The following KIF27 variants were observed in gnomAD, a reference collection of about 807,000 sequenced individuals.
KIF27 encodes the protein kinesin family member 27, also known as kinesin-like protein KIF27.
A neutral mutation model predicts 141.8 loss-of-function variants in KIF27; 84 were observed. The ratio of observed to expected loss-of-function variants is 0.59; its 90% confidence interval spans 0.50 to 0.71. KIF27 has a LOEUF of 0.71. KIF27 is among the 30% of genes least tolerant of loss of function. KIF27 has a pLI of 0.00. For synonymous variants in KIF27, 471 were observed against 569.5 expected, an observed-to-expected ratio of 0.83 and a Z score of 2.46; for missense variants, 1,306 against 1,628.4, an observed-to-expected ratio of 0.80 and a Z score of 3.41.
intron 9 of KIF27, among the ~76,000 whole-genome samples, chr9:83,884,934 T>A (rs1264165863): frequency 1.2e-4 from 19 of 152,184 alleles, no homozygotes; most frequent in Non-Finnish European, 1.0e-4. Flanking sequence ...ATAAAGATAT[T>A]TCTATATCTC....
At chr9:83,864,671 C>T (rs1950210701) in intron 13 of KIF27, among the ~76,000 whole-genome samples, 1 of 152,150 alleles carries the variant, frequency 6.6e-6, no homozygotes, top group African/African-American at 2.4e-5. Flanking sequence ...GTGGAAAGTT[C>T]TGTAGATGTC....
intron 13 of KIF27, among the ~76,000 whole-genome samples, chr9:83,866,389 G>A (rs529833167): frequency 6.6e-6 from 1 of 152,178 alleles, no homozygotes; most frequent in Non-Finnish European, 1.5e-5. Flanking sequence ...TGTCTCTCTA[G>A]GTACTTGGAA....
At chr9:83,867,024 G>A (rs1950421558) in intron 13 of KIF27, among the ~76,000 whole-genome samples, 1 of 134,290 alleles carries the variant, frequency 7.4e-6, no homozygotes, top group South Asian at 2.3e-4. Flanking sequence ...ACCAACCCTA[G>A]GTAACCACTA....
intron 11 of KIF27, among the ~76,000 whole-genome samples, chr9:83,876,987 G>A (rs1951251242): frequency 1.3e-5 from 2 of 152,112 alleles, no homozygotes; most frequent in Admixed American, 6.6e-5. Context: ...TAAGGCAGGT[G>A]GATCACTTGA....
chr9:83,891,648 G>A lies in KIF27; in HGVS notation c.1603-147C>T, dbSNP rs1241127843. On this transcript the variant is annotated intron_variant, in intron 5 of 17. Transcript: ENST00000297814. ...TTTATCCAGAGACTAGCTCTCTGGT[G>A]TTCACAAGTAACTAACATTGTTCTG... The A allele has an allele frequency of 7.6e-6, 6 of 787,510 alleles. No homozygotes were observed. In the Admixed American group the frequency reaches 1.7e-4, roughly 23 times the overall value. The allele number at this position is 787,510 out of a possible 1,614,324, so 48.8% of individuals were successfully genotyped here. A position where few individuals can be genotyped will look rare whatever the true frequency, so the allele number is the denominator to read the frequency against.
At chr9:83,885,379 C>A (rs1310499594) in intron 9 of KIF27, among the ~76,000 whole-genome samples, 1 of 152,196 alleles carries the variant, frequency 6.6e-6, no homozygotes, top group Non-Finnish European at 1.5e-5. Context: ...AGGCGTGAGC[C>A]ACCGTGCCCA....
At chr9:83,904,110 T>G in intron 3 of KIF27, 92 bp from the exon 4 acceptor site, 1 of 871,646 alleles carries the variant, frequency 1.1e-6, no homozygotes, top group Non-Finnish European at 1.7e-6. Context: ...CTGGCCAAGA[T>G]AGTCCCTTTT....
intron 15 of KIF27, among the ~76,000 whole-genome samples, chr9:83,852,041 T>C (rs1052448805): frequency 3.3e-5 from 5 of 151,700 alleles, no homozygotes; most frequent in Non-Finnish European, 7.4e-5. Flanking sequence ...GGCAGGAGAA[T>C]TGCTTGAACC....
intron 17 of KIF27, among the ~76,000 whole-genome samples, chr9:83,839,672 A>G (rs117561327): frequency 0.11 from 16,514 of 152,112 alleles, 1,195 homozygotes; most frequent in Non-Finnish European, 0.15. Context: ...CCACTGAACC[A>G]CCGGGCACGG....
rs1409619237 is a variant in KIF27 at position 83,915,557 on chromosome 9, A to G, written c.35T>C (p.Ile12Thr). 1 of 1,608,600 alleles carries G rather than the reference A, an allele frequency of 6.2e-7. No individual in the cohort carries two copies. Among genetic ancestry groups the G allele is most frequent in the Non-Finnish European group, 8.5e-7 (1 of 1,178,174 alleles). Residue 12 changes from isoleucine to threonine, a missense_variant, in exon 2 of 18, where the codon ATT becomes ACT. Around this residue, in one of 4 missense-constraint regions of KIF27, gnomAD observed 533 missense variants for 565.6 expected, o/e 0.94. Transcript: ENST00000297814. ...AGCTTCTTTGCAAAGCAGAGGTCTA[A>G]TTCTTACAGCAACTTTTACTGGTAT... is the stretch of plus-strand genomic sequence containing the variant. ...EEIPVKVAVRIRPLLCKEALH... is the reference protein window; with the variant it reads ...EEIPVKVAVRTRPLLCKEALH...
rs780259075 is a variant in KIF27 at position 83,903,233 on chromosome 9, C to G, written c.1285G>C (p.Val429Leu). 1 of 1,614,152 alleles carries G rather than the reference C, an allele frequency of 6.2e-7. No homozygotes were observed. The highest frequency in any genetic ancestry group is 1.3e-5 in the African/African-American group (1 of 75,040). ...TGTTGCTGCTTTTCGTTTAGTCTGA[C>G]AGTATCTTTTAGGTCAACCAGGAAG... ...FTFLVDLKDT[V>L]RLNEKQQHKL... Residue 429 changes from valine (V) to leucine (L), a missense_variant, in exon 4 of 18, where the codon GTC becomes CTC. By Grantham distance (32) the Val-to-Leu change is conservative (BLOSUM62 1). Coordinates refer to ENST00000297814, the MANE Select transcript of KIF27 (RefSeq NM_017576.4).
chr9:83,836,880 T>C lies in KIF27; in HGVS notation c.*121A>G. Reference sequence around the variant, plus strand: ...CTATAGCATATAAAAGAATTAGGGATTCCTTCCTCCCCTTCTTCCTTTATT... The same window carrying C: ...CTATAGCATATAAAAGAATTAGGGACTCCTTCCTCCCCTTCTTCCTTTATT... On this transcript the variant is annotated 3_prime_UTR_variant, in exon 18 of 18. Coordinates refer to ENST00000297814, the MANE Select transcript of KIF27 (RefSeq NM_017576.4). The C allele has an allele frequency of 2.1e-6, 3 of 1,454,124 alleles. No individual in the cohort carries two copies. The highest frequency in any genetic ancestry group is 1.8e-6 in the Non-Finnish European group (2 of 1,089,518). 90.1% of individuals were successfully genotyped at this position (1,454,124 alleles called of 1,614,324 possible). A position where few individuals can be genotyped will look rare whatever the true frequency, so the allele number is the denominator to read the frequency against.
chr9:83,839,485 T>C (rs1946311672), intron 17 of KIF27, among the ~76,000 whole-genome samples: 1 of 152,240 alleles, frequency 6.6e-6, no homozygotes, highest in African/African-American at 2.4e-5. Context: ...GTAGAGAGAA[T>C]GTAGGTTCAT....
At chr9:83,862,691 G>GT (rs1262248365) in intron 13 of KIF27, among the ~76,000 whole-genome samples, 11 of 152,110 alleles carry the variant, frequency 7.2e-5, no homozygotes, top group African/African-American at 2.4e-4. Context: ...CTTTAAAGTA[G>GT]TTTTTTCCAG....
At chr9:83,852,617 T>C (rs557803375) in intron 15 of KIF27, among the ~76,000 whole-genome samples, 76 of 152,280 alleles carry the variant, frequency 5.0e-4, no homozygotes, top group African/African-American at 1.8e-3. Flanking sequence ...TTATCTTATT[T>C]CACAGAATTA....
intron 5 of KIF27, among the ~76,000 whole-genome samples, chr9:83,898,190 A>T (rs1385220205): frequency 6.6e-6 from 1 of 152,232 alleles, no homozygotes; most frequent in African/African-American, 2.4e-5. Flanking sequence ...AAACAGTAGA[A>T]CAGAAAATAA....
In KIF27 at chr9:83,882,327, A is replaced by C. The variant is rs925689413; in HGVS notation, c.2445+1486T>G. 7.2e-5 allele frequency among the ~76,000 whole-genome samples: 11 copies of C among 152,132 alleles called. No homozygotes were observed. In the East Asian group the frequency reaches 2.1e-3, roughly 29 times the overall value. ...CAGTGGGCTGAGATCATGCCACTGC[A>C]CTCCAGCCTGGGCAACAGAGCAAGA... On this transcript the variant is annotated intron_variant, in intron 10 of 17. Coordinates refer to ENST00000297814, the MANE Select transcript of KIF27 (RefSeq NM_017576.4).
chr9:83,858,905 G>T (rs900026940), intron 14 of KIF27: 19 of 511,848 alleles, frequency 3.7e-5, no homozygotes, highest in African/African-American at 9.6e-5. Flanking sequence ...CTCAAGGAAA[G>T]TAATAGTTTC....
chr9:83,847,767 G>C (rs1947481621), intron 16 of KIF27: 1 of 151,884 alleles, frequency 6.6e-6, no homozygotes, highest in Non-Finnish European at 1.5e-5. Context: ...GACTGGCCTA[G>C]CCTCCCAGCC....
Sources: allele counts gnomAD v4.1 joint callset (sites outside exome capture counted in the v4.1 genomes callset), GRCh38; gene constraint gnomAD v4.1.1; regional missense constraint gnomAD v4.1.1; transcripts MANE v1.5; gene names NCBI Gene and HGNC (gene_info 2026-07-23, HGNC 2026-07-21).